Variants in ARMC2 observed in about 807,000 individuals in gnomAD.
ARMC2 encodes the protein armadillo repeat-containing protein 2.
Under a neutral mutation model 90.3 loss-of-function variants are expected in ARMC2, and 67 were observed. That is an observed-to-expected ratio of 0.74 (90% CI 0.61 to 0.91). ARMC2 has a LOEUF of 0.91. Ranked by LOEUF, ARMC2 falls within the 40% of genes least tolerant of loss-of-function variation. The probability of loss-of-function intolerance (pLI) is 0.00; values close to 1 mark genes in which losing one functional copy is unlikely to be tolerated. For synonymous variants in ARMC2, 393 were observed against 393.0 expected, an observed-to-expected ratio of 1.00 and a Z score of 0.00; for missense variants, 920 against 1,030.9, an observed-to-expected ratio of 0.89 and a Z score of 1.47.
At chr6:108,950,864 T>C (rs944301093) in intron 12 of ARMC2, among the ~76,000 whole-genome samples, 1 of 152,166 alleles carries the variant, frequency 6.6e-6, no homozygotes. Context: ...GCTTCCAAGG[T>C]TGAACTCAGA....
chr6:108,928,996 A>T (rs1176741236), intron 11 of ARMC2, among the ~76,000 whole-genome samples: 1 of 152,148 alleles, frequency 6.6e-6, no homozygotes, highest in African/African-American at 2.4e-5. Flanking sequence ...ATGAATGTCA[A>T]CTTGTATTAT....
the ARMC2 span, among the ~76,000 whole-genome samples, chr6:109,013,815 C>G: frequency 1.3e-5 from 2 of 152,178 alleles, no homozygotes; most frequent in East Asian, 1.9e-4. Flanking sequence ...TCATTTAGAA[C>G]AAATGCTGGT....
intron 6 of ARMC2, among the ~76,000 whole-genome samples, chr6:108,899,340 A>T (rs189091217): frequency 6.6e-6 from 1 of 152,278 alleles, no homozygotes; most frequent in East Asian, 1.9e-4. Context: ...CTTATTCTTT[A>T]TATATCTATA....
chr6:108,933,129 T>A (rs1775712967), intron 11 of ARMC2, among the ~76,000 whole-genome samples: 1 of 152,116 alleles, frequency 6.6e-6, no homozygotes, highest in African/African-American at 2.4e-5. Context: ...TTGATAGGAA[T>A]AGGATTGAAT....
intron 4 of ARMC2, 78 bp from the exon 5 acceptor site, chr6:108,876,065 A>G (rs531694293): frequency 2.8e-4 from 338 of 1,196,854 alleles, no homozygotes; most frequent in Non-Finnish European, 2.7e-4. Context: ...AAATTCTTAG[A>G]TTGAAAAATA....
chr6:108,934,673 A>G (rs1246331465), intron 11 of ARMC2, among the ~76,000 whole-genome samples: 2 of 152,084 alleles, frequency 1.3e-5, no homozygotes, highest in East Asian at 1.9e-4. Context: ...TACTGATTCA[A>G]TTTCTTCCCA....
rs368689731 is a variant in ARMC2 at position 108,953,752 on chromosome 6, C to T, written c.1915+401C>T. Among the ~76,000 whole-genome samples, 23 of 152,214 alleles carry T rather than the reference C, an allele frequency of 1.5e-4. No homozygotes were observed. The East Asian group carries it at 4.3e-3, about 28-fold the overall frequency. On this transcript the variant is annotated intron_variant, in intron 13 of 17. Transcript: ENST00000392644. ...CAAATCCCAAATATTGTGGGCAATC[C>T]ACATGATTAAAATTAATTCCTTTTT...
the ARMC2 span, among the ~76,000 whole-genome samples, chr6:108,988,895 A>G: frequency 6.6e-6 from 1 of 152,170 alleles, no homozygotes. Flanking sequence ...CTAACATAAC[A>G]TTTTTTCTAC....
the ARMC2 span, among the ~76,000 whole-genome samples, chr6:109,002,952 G>A: frequency 1.8e-4 from 27 of 152,062 alleles, no homozygotes; most frequent in Admixed American, 1.8e-3. Flanking sequence ...TTATTTACAG[G>A]ATGTCATCAA....
intron 3 of ARMC2, among the ~76,000 whole-genome samples, chr6:108,862,697 G>A (rs1470693759): frequency 1.3e-5 from 2 of 152,140 alleles, no homozygotes; most frequent in African/African-American, 4.8e-5. Flanking sequence ...TGGAGAGAGA[G>A]GGAGAGAGAG....
intron 12 of ARMC2, among the ~76,000 whole-genome samples, chr6:108,945,044 G>T (rs756128395): frequency 1.3e-5 from 2 of 152,108 alleles, no homozygotes; most frequent in Non-Finnish European, 2.9e-5. Flanking sequence ...TTAGAGTTAG[G>T]TAAAATATCT....
chr6:108,946,167 GA>G (rs1776793878), intron 12 of ARMC2, among the ~76,000 whole-genome samples: 1 of 152,206 alleles, frequency 6.6e-6, no homozygotes, highest in Non-Finnish European at 1.5e-5. Context: ...GCTCAGCACG[GA>G]ACCCAAATGC....
intron 10 of ARMC2, among the ~76,000 whole-genome samples, chr6:108,926,937 T>A (rs1032931054): frequency 6.9e-6 from 1 of 145,438 alleles, no homozygotes; most frequent in Admixed American, 7.0e-5. Context: ...TTTTTTTTTT[T>A]ACATTTTCTG....
intron 4 of ARMC2, among the ~76,000 whole-genome samples, chr6:108,871,210 C>T (rs1776376990): frequency 6.6e-6 from 1 of 152,036 alleles, no homozygotes; most frequent in African/African-American, 2.4e-5. Context: ...AGAGCTGAGG[C>T]CACAGAACTG....
the ARMC2 span, among the ~76,000 whole-genome samples, chr6:109,045,244 C>A: frequency 1.3e-5 from 2 of 152,072 alleles, no homozygotes; most frequent in African/African-American, 4.8e-5. Context: ...TATCCCCTAT[C>A]CTCAACCTCA....
intron 8 of ARMC2, among the ~76,000 whole-genome samples, chr6:108,909,527 G>T (rs1773182677): frequency 6.6e-6 from 1 of 151,552 alleles, no homozygotes; most frequent in Admixed American, 6.6e-5. Context: ...ATTTAGAAGA[G>T]AATTTTCTTT....
chr6:108,991,156 C>A, the ARMC2 span, among the ~76,000 whole-genome samples: 9 of 152,202 alleles, frequency 5.9e-5, no homozygotes, highest in Non-Finnish European at 1.3e-4. Context: ...CTCAGCCCCC[C>A]AGATGTGACC....
intron 3 of ARMC2, among the ~76,000 whole-genome samples, chr6:108,863,604 G>A (rs1775505822): frequency 6.6e-6 from 1 of 152,180 alleles, no homozygotes; most frequent in Non-Finnish European, 1.5e-5. Context: ...TATAAAGTCA[G>A]AAAAGAGGTG....
chr6:109,025,710 C>T, the ARMC2 span, among the ~76,000 whole-genome samples: 2 of 151,794 alleles, frequency 1.3e-5, no homozygotes, highest in African/African-American at 4.8e-5. Context: ...CAATAAACAG[C>T]ATACTCAGTA....
Sources: allele counts gnomAD v4.1 joint callset (sites outside exome capture counted in the v4.1 genomes callset), GRCh38; gene constraint gnomAD v4.1.1; transcripts MANE v1.5; gene names NCBI Gene and HGNC (gene_info 2026-07-23, HGNC 2026-07-21).